Variants in VWA5B1 observed in about 807,000 individuals in gnomAD.
VWA5B1 encodes von Willebrand factor A domain-containing protein 5B1.
A neutral mutation model predicts 118.2 loss-of-function variants in VWA5B1; 115 were observed. The observed-to-expected ratio is 0.97, with a 90% CI of 0.84 to 1.14. The LOEUF is 1.14. VWA5B1 is among the 50% of genes most tolerant of loss of function. The pLI, the probability that VWA5B1 is intolerant of heterozygous loss-of-function variation, is 0.00. For synonymous variants in VWA5B1, 682 were observed against 658.4 expected, an observed-to-expected ratio of 1.04 and a Z score of -0.55; for missense variants, 1,596 against 1,603.8, an observed-to-expected ratio of 1.00 and a Z score of 0.08.
In VWA5B1 at chr1:20,345,399, G is replaced by A. The variant is rs576500042; in HGVS notation, c.2627-57G>A. On this transcript the variant is annotated intron_variant, in intron 16 of 21. Coordinates refer to ENST00000289815, the MANE Select transcript of VWA5B1 (RefSeq NM_001039500.3). The stretch of plus-strand genomic sequence containing the variant: ...GCCCCCTTTTTAGCTTCCAAAGCTT[G>A]TGTGTCAGGGAAGACTTTCTGAGTC... The A allele has an allele frequency of 3.2e-4, 498 of 1,549,476 alleles. 1 individual carries two copies. The highest frequency in any genetic ancestry group is 1.1e-3 in the South Asian group (91 of 83,576).
chr1:20,319,544 G>A (rs1385598677), intron 7 of VWA5B1, 38 bp downstream of exon 7: 3 of 1,549,702 alleles, frequency 1.9e-6, no homozygotes, highest in Non-Finnish European at 2.6e-6. Context: ...CGGTGGCAGA[G>A]TTGGGGTGGC....
chr1:20,348,912 C>T (rs1013431654), intron 18 of VWA5B1, among the ~76,000 whole-genome samples: 1 of 152,166 alleles, frequency 6.6e-6, no homozygotes, highest in Non-Finnish European at 1.5e-5. Flanking sequence ...CTGTGTCCTG[C>T]ATGGATGTGT....
At chr1:20,331,028 A>C in intron 11 of VWA5B1, 45 bp downstream of exon 11, 20 of 1,477,340 alleles carry the variant, frequency 1.4e-5, no homozygotes, top group Admixed American at 2.2e-5. Context: ...CTGGAACCTC[A>C]GAGGCTCAGA....
At position 20,338,455 on chromosome 1, in the gene VWA5B1, T is replaced by A. The variant is rs148241876; in HGVS notation, c.2133+619T>A. On this transcript the variant is annotated intron_variant, in intron 14 of 21. Transcript: ENST00000289815. ...ACCTCTACCTCCTAGGTTCAAGCAA[T>A]TCTCATGCCTCAGCCTTCCAAGTAG... The A allele has an allele frequency of 3.5e-5, 6 of 172,618 alleles. No homozygotes were observed. In the East Asian group the frequency reaches 9.7e-4, roughly 28 times the overall value. 10.7% of individuals were successfully genotyped at this position (172,618 alleles called of 1,614,324 possible). A position where few individuals can be genotyped will look rare whatever the true frequency, so the allele number is the denominator to read the frequency against.
In VWA5B1 at chr1:20,353,839, A is replaced by G; in HGVS notation, c.3224A>G (p.Lys1075Arg). ...EATHIPMEKL[K>R]WTSPFTCHRV... is the part of the protein sequence containing the mutation. The stretch of plus-strand genomic sequence containing the variant: ...ACGCACATCCCCATGGAGAAGCTCA[A>G]GTGGACGTCCCCCTTCACCTGCCAT... The change falls in exon 22 of 22, where the codon AAG (lysine) becomes AGG (arginine). Residue 1075 changes from lysine to arginine, a missense_variant. By Grantham distance (26) the Lys-to-Arg change is conservative (BLOSUM62 2). Transcript: ENST00000289815. 1 of 1,528,192 alleles carries G rather than the reference A, an allele frequency of 6.5e-7. No individual in the cohort carries two copies. Among genetic ancestry groups the G allele is most frequent in the South Asian group, 1.3e-5 (1 of 78,970 alleles). 94.7% of individuals were successfully genotyped at this position (1,528,192 alleles called of 1,614,324 possible). A position where few individuals can be genotyped will look rare whatever the true frequency, so the allele number is the denominator to read the frequency against.
chr1:20,343,482 C>G (rs1230480498), intron 16 of VWA5B1, 89 bp downstream of exon 16: 7 of 1,441,340 alleles, frequency 4.9e-6, no homozygotes, highest in African/African-American at 2.9e-5. Flanking sequence ...CACCCGCCCC[C>G]GGTGATCCTC....
rs774833055 is a variant in VWA5B1, at chr1:20,358,991, G to A, written c.*4728G>A. On this transcript the variant is annotated 3_prime_UTR_variant, in exon 22 of 22. Transcript: ENST00000289815. Reference sequence around the variant, plus strand: ...GTGTGTCCAGCCCTGCTCCCAGCCCGTTGACTTTAGCCTCTCAACAGCACT... The same window carrying A: ...GTGTGTCCAGCCCTGCTCCCAGCCCATTGACTTTAGCCTCTCAACAGCACT... Among the ~76,000 whole-genome samples the A allele has an allele frequency of 2.6e-4, 39 of 152,280 alleles. No homozygotes were observed. Among genetic ancestry groups the A allele is most frequent in the Non-Finnish European group, 3.7e-4 (25 of 68,020 alleles).
chr1:20,297,267 C>T (rs574098850), intron 1 of VWA5B1, among the ~76,000 whole-genome samples: 4 of 152,206 alleles, frequency 2.6e-5, no homozygotes, highest in African/African-American at 4.8e-5. Flanking sequence ...AAAGCAGCAA[C>T]GTTTTAATTC....
At chr1:20,337,003 G>A (rs150215746) in intron 13 of VWA5B1, among the ~76,000 whole-genome samples, 2 of 152,234 alleles carry the variant, frequency 1.3e-5, no homozygotes, top group East Asian at 3.9e-4. Flanking sequence ...TCTTAGAGGT[G>A]GGAAGGGAGA....
At chr1:20,307,961 C>G (rs981315837) in intron 1 of VWA5B1, among the ~76,000 whole-genome samples, 58 of 151,862 alleles carry the variant, frequency 3.8e-4, no homozygotes, top group African/African-American at 1.3e-3. Flanking sequence ...TTTGGGGTGC[C>G]ACTGATCCCG....
Position 20,342,591 on chromosome 1 carries a change from C to G in VWA5B1, c.2293C>G (p.Arg765Gly), listed in dbSNP as rs74056519. ...TGTGAGAGAGCGGACTTCTGACAGC[C>G]GAAGCCCTGGAGATCTGGGTAAGTG... ...SPVRERTSDSRSPGDLEPSHH... is the reference protein window; with the variant it reads ...SPVRERTSDSGSPGDLEPSHH... Residue 765 changes from arginine (R) to glycine (G), a missense_variant, in exon 15 of 22, where the codon CGA (arginine) becomes GGA (glycine). Transcript: ENST00000289815. 3.0e-3 allele frequency: 4,477 copies of G among 1,497,040 alleles called. 111 individuals carry two copies. The African/African-American group carries it at 0.053, about 18-fold the overall frequency. The allele number at this position is 1,497,040 out of a possible 1,614,324, so 92.7% of individuals were successfully genotyped here.
intron 1 of VWA5B1, among the ~76,000 whole-genome samples, chr1:20,306,298 G>A (rs1312515318): frequency 1.3e-5 from 2 of 152,198 alleles, no homozygotes; most frequent in Middle Eastern, 3.4e-3. Flanking sequence ...AATCAATTAA[G>A]GGGTGGTCAG....
At chr1:20,330,430 G>C in intron 10 of VWA5B1, 48 bp downstream of exon 10, 1 of 1,544,654 alleles carries the variant, frequency 6.5e-7, no homozygotes, top group Non-Finnish European at 8.8e-7. Flanking sequence ...GGCTGCCGGG[G>C]CTGGGGCGCC....
intron 1 of VWA5B1, among the ~76,000 whole-genome samples, chr1:20,308,900 T>C (rs10916759): frequency 0.27 from 41,177 of 151,958 alleles, 7,745 homozygotes; most frequent in African/African-American, 0.53. Flanking sequence ...GCCTTGCAAA[T>C]AAAGGGCAGC....
chr1:20,328,271 C>T (rs566765529), intron 9 of VWA5B1, among the ~76,000 whole-genome samples: 2 of 152,144 alleles, frequency 1.3e-5, no homozygotes, highest in South Asian at 4.2e-4. Flanking sequence ...AAATGAGGTA[C>T]GGAAAGTGGG....
chr1:20,345,014 T>G (rs1418035834), intron 16 of VWA5B1, among the ~76,000 whole-genome samples: 2 of 152,200 alleles, frequency 1.3e-5, no homozygotes, highest in African/African-American at 4.8e-5. Context: ...CACTCTCCTC[T>G]GATTTGCAAT....
At chr1:20,318,024 T>G (rs115293511) in intron 5 of VWA5B1, among the ~76,000 whole-genome samples, 2 of 147,910 alleles carry the variant, frequency 1.4e-5, no homozygotes, top group African/African-American at 2.5e-5. Flanking sequence ...CACCCAAACA[T>G]CCTGCATCCT....
rs958674937 is a variant in VWA5B1 at position 20,357,806 on chromosome 1, G to A, written c.*3543G>A. Among the ~76,000 whole-genome samples, 15 of 152,098 alleles carry A rather than the reference G, an allele frequency of 9.9e-5. No individual in the cohort carries two copies. Among genetic ancestry groups the A allele is most frequent in the African/African-American group, 3.4e-4 (14 of 41,404 alleles). Reference sequence around the variant, plus strand: ...CTACCTAGGTACCCTTTGCGCTAACGGCCAGCCCCCTGAGCTTTCAGGCTC... The same window carrying A: ...CTACCTAGGTACCCTTTGCGCTAACAGCCAGCCCCCTGAGCTTTCAGGCTC... On this transcript the variant is annotated 3_prime_UTR_variant, in exon 22 of 22. Transcript: ENST00000289815.
chr1:20,314,784 G>T (rs1170620830), intron 4 of VWA5B1, among the ~76,000 whole-genome samples, 192 bp downstream of exon 4: 1 of 151,924 alleles, frequency 6.6e-6, no homozygotes, highest in African/African-American at 2.4e-5. Context: ...TCCCTGAAAT[G>T]CCCCTGTAAT....
Sources: gnomAD v4.1 joint callset for allele counts (sites outside exome capture counted in the v4.1 genomes callset) on GRCh38, gnomAD v4.1.1 for gene constraint, MANE v1.5 for transcripts, NCBI Gene and HGNC (gene_info 2026-07-23, HGNC 2026-07-21) for gene names.